The following VPS50 variants were observed in gnomAD, a reference collection of about 807,000 sequenced individuals.
The protein encoded by VPS50 is VPS50 subunit of EARP/GARPII complex, also known as syndetin.
A neutral mutation model predicts 139.7 loss-of-function variants in VPS50; 70 were observed. The ratio of observed to expected loss-of-function variants is 0.50; its 90% confidence interval spans 0.41 to 0.61. VPS50 has a LOEUF of 0.61. VPS50 is among the 20% of genes least tolerant of loss of function. The probability of loss-of-function intolerance (pLI) is 0.00; values close to 1 mark genes in which losing one functional copy is unlikely to be tolerated. For synonymous variants in VPS50, 365 were observed against 376.7 expected (o/e 0.97, Z 0.36); for missense variants, 921 against 1,133.7 (o/e 0.81, Z 2.69).
chr7:93,248,846 G>A (rs1408791910), intron 2 of VPS50, among the ~76,000 whole-genome samples: 2 of 152,058 alleles, frequency 1.3e-5, no homozygotes, highest in Non-Finnish European at 2.9e-5. Flanking sequence ...CACGGTGATC[G>A]GGATTCTAAT....
At chr7:93,237,490 ATTG>A (rs1304426617) in intron 1 of VPS50, among the ~76,000 whole-genome samples, 29 of 152,112 alleles carry the variant, frequency 1.9e-4, no homozygotes, top group African/African-American at 6.8e-4. Flanking sequence ...TTGGTATTGA[ATTG>A]TTGTGTGGTG....
chr7:93,277,236 A>G (rs972824098), intron 12 of VPS50, among the ~76,000 whole-genome samples: 2 of 152,190 alleles, frequency 1.3e-5, no homozygotes, highest in African/African-American at 2.4e-5. Flanking sequence ...AAGCATTTCA[A>G]GAAGAATGGA....
chr7:93,325,356 A>T (rs1279046274), intron 21 of VPS50, among the ~76,000 whole-genome samples: 1 of 152,086 alleles, frequency 6.6e-6, no homozygotes, highest in African/African-American at 2.4e-5. Flanking sequence ...CCTAGAAGAA[A>T]ACCTAGGCAT....
At chr7:93,280,054 G>C (rs764242386) in intron 12 of VPS50, among the ~76,000 whole-genome samples, 7 of 151,720 alleles carry the variant, frequency 4.6e-5, no homozygotes, top group African/African-American at 7.3e-5. Flanking sequence ...ATTTACTCTG[G>C]TATACAGAAC....
chr7:93,280,396 A>G (rs550232517), intron 12 of VPS50, among the ~76,000 whole-genome samples: 23 of 152,276 alleles, frequency 1.5e-4, no homozygotes, highest in African/African-American at 4.3e-4. Context: ...TAGCAGCAAG[A>G]TTTCCAAATG....
chr7:93,281,908 A>T (rs1796338365), intron 12 of VPS50, among the ~76,000 whole-genome samples: 1 of 152,208 alleles, frequency 6.6e-6, no homozygotes, highest in South Asian at 2.1e-4. Context: ...TTGCTACATT[A>T]TAAACAATTT....
chr7:93,337,812 C>G (rs1194254008), intron 22 of VPS50, among the ~76,000 whole-genome samples: 1 of 152,074 alleles, frequency 6.6e-6, no homozygotes, highest in Non-Finnish European at 1.5e-5. Flanking sequence ...TAGTAACTGT[C>G]AGCTTCTGCT....
intron 20 of VPS50, among the ~76,000 whole-genome samples, chr7:93,315,038 C>T (rs1450832134): frequency 6.6e-6 from 1 of 152,114 alleles, no homozygotes; most frequent in Non-Finnish European, 1.5e-5. Context: ...CTCAGTTTCT[C>T]CTGTTTTCTT....
chr7:93,286,196 TA>T (rs530905695), intron 12 of VPS50, among the ~76,000 whole-genome samples: 276 of 152,266 alleles, frequency 1.8e-3, no homozygotes, highest in African/African-American at 6.4e-3. Context: ...TATCTATTCT[TA>T]AAAAAATTTC....
chr7:93,278,917 A>G (rs780641525), intron 12 of VPS50, among the ~76,000 whole-genome samples: 1 of 152,136 alleles, frequency 6.6e-6, no homozygotes, highest in African/African-American at 2.4e-5. Context: ...TTATTTGTCT[A>G]ACACAGTTGT....
chr7:93,302,053 G>GT (rs961086442), intron 16 of VPS50, among the ~76,000 whole-genome samples: 1 of 152,084 alleles, frequency 6.6e-6, no homozygotes, highest in Non-Finnish European at 1.5e-5. Context: ...GGCCTTTTGT[G>GT]TTTCTTCTTT....
rs1795139390 is a variant in VPS50, at chr7:93,245,955, A to G, written c.102+6021A>G. On this transcript the variant is annotated intron_variant, in intron 2 of 27. Transcript: ENST00000305866. Reference sequence around the variant, plus strand: ...TGAAATAAGTTTTGAATCCTGTTTCATTTGGAAAGAGATAAAATCTATTTC... The same window carrying G: ...TGAAATAAGTTTTGAATCCTGTTTCGTTTGGAAAGAGATAAAATCTATTTC... 4 of 614,776 alleles carry G rather than the reference A, an allele frequency of 6.5e-6. No individual in the cohort carries two copies. In the African/African-American group the frequency reaches 7.4e-5, roughly 11 times the overall value. The allele number at this position is 614,776 out of a possible 1,614,324, so 38.1% of individuals were successfully genotyped here.
intron 21 of VPS50, among the ~76,000 whole-genome samples, chr7:93,331,619 C>T (rs539871935): frequency 6.6e-6 from 1 of 151,880 alleles, no homozygotes; most frequent in African/African-American, 2.4e-5. Context: ...AAAGAAGTTC[C>T]AAAACTATGA....
At chr7:93,321,586 C>T (rs1797614662) in intron 20 of VPS50, among the ~76,000 whole-genome samples, 2 of 152,086 alleles carry the variant, frequency 1.3e-5, no homozygotes, top group South Asian at 2.1e-4. Context: ...CTTCAAAACG[C>T]GTTTGTTGAA....
At chr7:93,236,937 CTTTTTTTTTTT>C (rs71107889) in intron 1 of VPS50, among the ~76,000 whole-genome samples, 1,352 of 30,946 alleles carry the variant, frequency 0.044, 15 homozygotes, top group South Asian at 0.062. Context: ...TCTTTTACTT[CTTTTTTTTTTT>C]TTTTTTTTTT....
chr7:93,257,048 T>A (rs950924338), intron 5 of VPS50, among the ~76,000 whole-genome samples: 13 of 152,102 alleles, frequency 8.5e-5, no homozygotes, highest in Admixed American at 8.5e-4. Flanking sequence ...ATATTTGTCA[T>A]ATCCTTTAAT....
chr7:93,310,492 A>C lies in VPS50; in HGVS notation c.1749-674A>C, dbSNP rs1584455654. 2.6e-5 allele frequency among the ~76,000 whole-genome samples: 4 copies of C among 151,780 alleles called. No individual in the cohort carries two copies. In the South Asian group the frequency reaches 8.3e-4, roughly 31 times the overall value. On this transcript the variant is annotated intron_variant, in intron 19 of 27. Coordinates refer to ENST00000305866, the MANE Select transcript of VPS50 (RefSeq NM_017667.4). ...TTTTTTTTTTCATAGTTACAAATTTAATCATGCTGTTTTTCTGCTTAGCTT... is the reference window on the plus strand; with the variant it reads ...TTTTTTTTTTCATAGTTACAAATTTCATCATGCTGTTTTTCTGCTTAGCTT...
intron 6 of VPS50, 162 bp downstream of exon 6, chr7:93,257,626 G>A (rs2116836556): frequency 6.3e-6 from 3 of 479,462 alleles, no homozygotes; most frequent in Middle Eastern, 5.4e-4. Flanking sequence ...CACTAAGAGG[G>A]TTTGTGGGAA....
chr7:93,256,673 T>C, intron 5 of VPS50, 111 bp downstream of exon 5: 1 of 608,404 alleles, frequency 1.6e-6, no homozygotes. Flanking sequence ...TAGCAGCATA[T>C]TGACTGTTTT....
Sources: allele counts gnomAD v4.1 joint callset (sites outside exome capture counted in the v4.1 genomes callset), GRCh38; gene constraint gnomAD v4.1.1; transcripts MANE v1.5; gene names NCBI Gene and HGNC (gene_info 2026-07-23, HGNC 2026-07-21).